The following NUP93 variants were observed in gnomAD, a reference collection of about 807,000 sequenced individuals.
NUP93 encodes nuclear pore complex protein Nup93.
NUP93 carries 55 observed loss-of-function variants against 107.8 expected under a neutral mutation model. The observed-to-expected ratio is 0.51, with a 90% CI of 0.41 to 0.64. NUP93 has a LOEUF of 0.64. NUP93 is among the 30% of genes least tolerant of loss of function. The pLI is 0.00. For missense variants in NUP93, 937 were observed against 1,044.7 expected (o/e 0.90, Z 1.42); for synonymous variants, 390 against 397.5 (o/e 0.98, Z 0.22).
intron 5 of NUP93, among the ~76,000 whole-genome samples, chr16:56,808,022 AAAAAATATATATAAATATATATATTTCT>A (rs1370284696): frequency 6.2e-5 from 9 of 146,122 alleles, no homozygotes; most frequent in Non-Finnish European, 1.2e-4. Flanking sequence ...ACTCCGTCTC[AAAAAATATATATAAATATATATATTTCT>A]AAAAATATAT....
At chr16:56,829,896 G>A (rs1218062564) in intron 9 of NUP93, among the ~76,000 whole-genome samples, 1 of 152,238 alleles carries the variant, frequency 6.6e-6, no homozygotes, top group African/African-American at 2.4e-5. Context: ...TAGGAGGCCT[G>A]AAGTCTACTT....
chr16:56,828,559 A>G (rs1393390289), intron 8 of NUP93, among the ~76,000 whole-genome samples: 4 of 152,226 alleles, frequency 2.6e-5, no homozygotes, highest in African/African-American at 7.2e-5. Context: ...AGAAATGTTA[A>G]AAATTGGTGA....
chr16:56,780,138 C>T (rs1265855644), intron 3 of NUP93, among the ~76,000 whole-genome samples: 1 of 152,174 alleles, frequency 6.6e-6, no homozygotes, highest in African/African-American at 2.4e-5. Context: ...TTTCTCCCTC[C>T]CTCCTTGTGC....
intron 3 of NUP93, among the ~76,000 whole-genome samples, chr16:56,769,560 GC>G (rs1962282716): frequency 1.3e-5 from 2 of 152,050 alleles, no homozygotes; most frequent in Admixed American, 1.3e-4. Context: ...CTAAAGCTCA[GC>G]CTATTATTTT....
In NUP93 at chr16:56,823,059, C is replaced by G. The variant is rs2399560; in HGVS notation, c.655-648C>G. Among the ~76,000 whole-genome samples, 1,364 of 152,262 alleles carry G rather than the reference C, an allele frequency of 9.0e-3. 18 individuals carry two copies. Among genetic ancestry groups the G allele is most frequent in the African/African-American group, 0.031 (1,286 of 41,542 alleles). On this transcript the variant is annotated intron_variant, in intron 7 of 21. Transcript: ENST00000308159. ...AGGGAACACGTTGTTTTTAAGGAGCCATTTACAGGCAGAAGGATTCTGGGG... is the reference window on the plus strand; with the variant it reads ...AGGGAACACGTTGTTTTTAAGGAGCGATTTACAGGCAGAAGGATTCTGGGG...
intron 1 of NUP93, among the ~76,000 whole-genome samples, chr16:56,739,704 G>A (rs1294294671): frequency 0.051 from 4,608 of 91,212 alleles, no homozygotes; most frequent in East Asian, 0.086. Flanking sequence ...CGGACGGGGC[G>A]GCTGGCCGGG....
At chr16:56,752,202 G>GA (rs1161218435) in intron 2 of NUP93, among the ~76,000 whole-genome samples, 2 of 152,156 alleles carry the variant, frequency 1.3e-5, no homozygotes, top group Non-Finnish European at 2.9e-5. Flanking sequence ...GACATAGCTA[G>GA]CAAAATTGAC....
At chr16:56,838,128 C>T (rs1426828245) in intron 18 of NUP93, among the ~76,000 whole-genome samples, 1 of 152,154 alleles carries the variant, frequency 6.6e-6, no homozygotes, top group Non-Finnish European at 1.5e-5. Flanking sequence ...TTTCAGACTA[C>T]CTGGATCCCC....
intron 2 of NUP93, among the ~76,000 whole-genome samples, chr16:56,751,668 A>G (rs1452339674): frequency 1.3e-5 from 2 of 152,216 alleles, no homozygotes; most frequent in African/African-American, 2.4e-5. Flanking sequence ...AAGATTATGT[A>G]TCCAATATTT....
In NUP93 at chr16:56,830,593, G is replaced by A; in HGVS notation, c.993G>A (p.Leu331=). 6.2e-7 allele frequency: 1 copy of A among 1,611,334 alleles called. No individual in the cohort carries two copies. Among genetic ancestry groups the A allele is most frequent in the Non-Finnish European group, 8.5e-7 (1 of 1,177,678 alleles). ...ACTACTGCATGCGCTGTGGAGACCT[G>A]CTTGCCGCTTCACAGGTAGTTAATC... is the stretch of plus-strand genomic sequence containing the variant. ...LIYYCMRCGD[L]LAASQVVNRA... is the part of the protein sequence containing the mutation. Residue 331 remains leucine (L), a synonymous_variant, in exon 10 of 22, where the codon CTG becomes CTA. Transcript: ENST00000308159.
At chr16:56,783,874 T>G in intron 3 of NUP93, 1 of 985,434 alleles carries the variant, frequency 1.0e-6, no homozygotes, top group Non-Finnish European at 1.2e-6. Context: ...TTGTCTACAG[T>G]AAGTATTTCT....
chr16:56,805,670 A>G (rs1284282755), intron 5 of NUP93, 38 bp downstream of exon 5: 4 of 1,590,992 alleles, frequency 2.5e-6, no homozygotes, highest in Non-Finnish European at 3.4e-6. Context: ...TGTTAATAAA[A>G]ACATGAAGTC....
intron 8 of NUP93, among the ~76,000 whole-genome samples, chr16:56,825,380 T>A (rs1296890126): frequency 2.0e-5 from 3 of 152,032 alleles, no homozygotes; most frequent in African/African-American, 2.4e-5. Flanking sequence ...AATTTTTGTA[T>A]TTTTAGTAGA....
chr16:56,817,224 T>C (rs1963451960), intron 5 of NUP93, among the ~76,000 whole-genome samples: 1 of 152,104 alleles, frequency 6.6e-6, no homozygotes, highest in Non-Finnish European at 1.5e-5. Context: ...GTGCTTTGCT[T>C]CAGAAGCCAA....
chr16:56,798,583 G>A (rs748800986), intron 4 of NUP93, 45 bp downstream of exon 4: 2 of 1,506,512 alleles, frequency 1.3e-6, no homozygotes, highest in Non-Finnish European at 1.8e-6. Context: ...ATGAGGGCAA[G>A]AGGGCTGGGC....
chr16:56,735,893 G>C (rs1246475180), intron 1 of NUP93, among the ~76,000 whole-genome samples: 1 of 151,988 alleles, frequency 6.6e-6, no homozygotes, highest in East Asian at 1.9e-4. Flanking sequence ...TTGGGGGCAG[G>C]GCTAGGAGGA....
At chr16:56,791,656 A>G (rs1962765779) in intron 3 of NUP93, among the ~76,000 whole-genome samples, 1 of 152,226 alleles carries the variant, frequency 6.6e-6, no homozygotes. Flanking sequence ...TGAGCCATTT[A>G]AGATCCACTT....
chr16:56,796,858 C>A (rs1596811071), intron 3 of NUP93, among the ~76,000 whole-genome samples: 1 of 152,064 alleles, frequency 6.6e-6, no homozygotes. Flanking sequence ...TGCCGGTAGT[C>A]CCAGTTAGGA....
At chr16:56,824,117 C>A (rs1225304791) in intron 8 of NUP93, among the ~76,000 whole-genome samples, 2 of 152,194 alleles carry the variant, frequency 1.3e-5, no homozygotes, top group Non-Finnish European at 2.9e-5. Flanking sequence ...TCTCCACACT[C>A]TCTTAATACG....
Sources: gnomAD v4.1 joint callset for allele counts (sites outside exome capture counted in the v4.1 genomes callset) on GRCh38, gnomAD v4.1.1 for gene constraint, MANE v1.5 for transcripts, NCBI Gene and HGNC (gene_info 2026-07-23, HGNC 2026-07-21) for gene names.